NHERF4: variants seen among roughly 807,000 people sequenced by gnomAD.
NHERF4 encodes NHERF family PDZ scaffold protein 4.
chr11:119,187,127 C>G, the NHERF4 span: 14 of 628,726 alleles, frequency 2.2e-5, no homozygotes, highest in African/African-American at 3.5e-4. Context: ...GCGACAAGAG[C>G]AAAACTCCAT....
At chr11:119,187,187 C>A in the NHERF4 span, 5 of 1,138,974 alleles carry the variant, frequency 4.4e-6, no homozygotes, top group Non-Finnish European at 5.9e-6. Flanking sequence ...ATTCCCTTGG[C>A]AAAAAAATGT....
chr11:119,188,823 C>T, the NHERF4 span: 906 of 1,614,084 alleles, frequency 5.6e-4, no homozygotes, highest in Non-Finnish European at 7.1e-4. Context: ...CTATGGCTTC[C>T]GACTCAGTTG....
the NHERF4 span, chr11:119,189,796 C>G: frequency 1.9e-4 from 95 of 489,358 alleles, no homozygotes; most frequent in East Asian, 1.6e-3. This position sits in a 1 kb window ranked among gnomAD's most constrained non-coding sequence, Gnocchi z 5.8. Flanking sequence ...TTGAAGCCAT[C>G]TGGACCTTTT....
At chr11:119,187,196 G>T in the NHERF4 span, 270 of 1,023,600 alleles carry the variant, frequency 2.6e-4, no homozygotes, top group Non-Finnish European at 3.3e-4. Context: ...GCAAAAAAAT[G>T]TGGATTCCAG....
At chr11:119,186,286 A>G in the NHERF4 span, 4 of 1,606,190 alleles carry the variant, frequency 2.5e-6, no homozygotes, top group African/African-American at 1.3e-5. This position sits in a 1 kb window ranked among gnomAD's most constrained non-coding sequence, Gnocchi z 4.4. Context: ...CTTGGTTGGG[A>G]GTAGAGATAG....
the NHERF4 span, chr11:119,190,138 C>T: frequency 1.5e-6 from 1 of 660,938 alleles, no homozygotes; most frequent in African/African-American, 1.8e-5. The surrounding 1 kb of genome is among the most constrained non-coding windows in gnomAD (Gnocchi z 4.2). Flanking sequence ...GTCTGTATGA[C>T]AGCCACTCCT....
the NHERF4 span, chr11:119,188,492 C>A: frequency 6.2e-6 from 10 of 1,608,540 alleles, no homozygotes; most frequent in Non-Finnish European, 8.5e-6. Context: ...GATCCAGGGG[C>A]AGGGCTCCTG....
At chr11:119,188,095 GGGT>G in the NHERF4 span, 1 of 1,550,136 alleles carries the variant, frequency 6.5e-7, no homozygotes, top group South Asian at 1.2e-5. Flanking sequence ...AAGGGCCCCA[GGGT>G]TTTGGGTTCC....
chr11:119,189,215 AAGAAAC>A, the NHERF4 span: 1 of 1,601,114 alleles, frequency 6.2e-7, no homozygotes, highest in Non-Finnish European at 8.5e-7. This position sits in a 1 kb window ranked among gnomAD's most constrained non-coding sequence, Gnocchi z 5.8. Context: ...GGTGAGGAAG[AAGAAAC>A]AGATGGGACT....
the NHERF4 span, chr11:119,189,591 A>AG: frequency 3.7e-6 from 5 of 1,363,274 alleles, no homozygotes; most frequent in Non-Finnish European, 5.2e-6. The surrounding 1 kb of genome is among the most constrained non-coding windows in gnomAD (Gnocchi z 5.8). Flanking sequence ...GCCAGACCAG[A>AG]GGGACTCAGA....
chr11:119,187,406 G>A, the NHERF4 span: 13 of 1,614,102 alleles, frequency 8.1e-6, no homozygotes, highest in African/African-American at 6.7e-5. Flanking sequence ...GTCCGGCCCC[G>A]GCTGTGCCAC....
chr11:119,186,225 G>T, the NHERF4 span: 3 of 1,614,004 alleles, frequency 1.9e-6, no homozygotes, highest in Non-Finnish European at 2.5e-6. The surrounding 1 kb of genome is among the most constrained non-coding windows in gnomAD (Gnocchi z 4.4). Flanking sequence ...GGCTCCACAC[G>T]GCCTCCGATC....
At chr11:119,185,892 T>A in the NHERF4 span, 4 of 1,613,864 alleles carry the variant, frequency 2.5e-6, no homozygotes, top group Non-Finnish European at 3.4e-6. Context: ...AGAATGTGAC[T>A]CTCCTCCTCT....
chr11:119,187,324 C>A, the NHERF4 span: 15 of 1,612,858 alleles, frequency 9.3e-6, no homozygotes, highest in Non-Finnish European at 1.3e-5. Context: ...AGTATTGGCA[C>A]GGCATGCACA....
the NHERF4 span, chr11:119,189,387 G>A: frequency 2.5e-6 from 4 of 1,571,282 alleles, no homozygotes; most frequent in South Asian, 3.3e-5. This position sits in a 1 kb window ranked among gnomAD's most constrained non-coding sequence, Gnocchi z 5.8. Flanking sequence ...GGGCATTCCA[G>A]TGCAGGGCGG....
chr11:119,186,577 C>T, the NHERF4 span: 2 of 1,614,158 alleles, frequency 1.2e-6, no homozygotes, highest in Non-Finnish European at 1.7e-6. The surrounding 1 kb of genome is among the most constrained non-coding windows in gnomAD (Gnocchi z 4.4). Context: ...CAGGGCTGGG[C>T]ATGTGGTGTG....
the NHERF4 span, chr11:119,189,067 G>A: frequency 3.1e-6 from 5 of 1,614,142 alleles, no homozygotes; most frequent in Non-Finnish European, 4.2e-6. The surrounding 1 kb of genome is among the most constrained non-coding windows in gnomAD (Gnocchi z 5.8). Context: ...TTCTGGAAGT[G>A]AACGGGTATC....
the NHERF4 span, chr11:119,186,549 C>T: frequency 4.9e-5 from 79 of 1,614,206 alleles, no homozygotes; most frequent in South Asian, 4.8e-4. The surrounding 1 kb of genome is among the most constrained non-coding windows in gnomAD (Gnocchi z 4.4). Context: ...TTGGCTTCCA[C>T]CTGCAGCAGG....
At chr11:119,187,203 C>A in the NHERF4 span, 1 of 1,284,280 alleles carries the variant, frequency 7.8e-7, no homozygotes, top group Non-Finnish European at 1.0e-6. Flanking sequence ...AATGTGGATT[C>A]CAGGGAGGTC....
Sources: gnomAD v4.1 joint callset for allele counts on GRCh38, gnomAD v4.1.1 for gene constraint, Gnocchi (gnomAD v3.1) non-coding constraint, MANE v1.5 for transcripts, NCBI Gene and HGNC (gene_info 2026-07-23, HGNC 2026-07-21) for gene names.